HIVEP1: variants seen among roughly 807,000 people sequenced by gnomAD.
The protein encoded by HIVEP1 is HIVEP zinc finger 1, also known as zinc finger protein 40.
In HIVEP1, 36 loss-of-function variants were observed where a neutral mutation model predicts 180.0. The observed-to-expected ratio is 0.20, with a 90% CI of 0.15 to 0.26. HIVEP1 has a LOEUF of 0.26. Ranked by LOEUF, HIVEP1 falls within the 10% of genes least tolerant of loss-of-function variation. The pLI is 1.00. For missense variants in HIVEP1, 3,143 were observed against 3,268.7 expected, an observed-to-expected ratio of 0.96 and a Z score of 0.94; for synonymous variants, 1,239 against 1,239.0, an observed-to-expected ratio of 1.00 and a Z score of 0.00.
At chr6:12,079,811 C>A (rs572826564) in intron 2 of HIVEP1, among the ~76,000 whole-genome samples, 3 of 152,230 alleles carry the variant, frequency 2.0e-5, no homozygotes, top group South Asian at 2.1e-4. Context: ...ATTAATACAA[C>A]AAATTTGATT....
rs772811408 is a variant in HIVEP1, at chr6:12,125,792, A to G, written c.5997A>G (p.Leu1999=). 4 of 1,613,938 alleles carry G rather than the reference A, an allele frequency of 2.5e-6. No homozygotes were observed. Among genetic ancestry groups the G allele is most frequent in the East Asian group, 4.5e-5 (2 of 44,884 alleles). ...LNSKQNTGKS[L]YCQAITTHSK... ...CAAAACAGAACACTGGAAAATCACT[A>G]TACTGTCAAGCAATAACTACCCATT... The change falls in exon 4 of 9, where the codon CTA becomes CTG. Residue 1999 remains leucine (L), a synonymous_variant. Coordinates refer to ENST00000379388, the MANE Select transcript of HIVEP1 (RefSeq NM_002114.4).
chr6:12,033,404 C>A (rs553284589), intron 2 of HIVEP1, among the ~76,000 whole-genome samples: 1 of 151,676 alleles, frequency 6.6e-6, no homozygotes, highest in African/African-American at 2.4e-5. Context: ...ATTGTTATGT[C>A]GACATTCTCA....
At chr6:12,133,906 A>G (rs1423229062) in intron 6 of HIVEP1, among the ~76,000 whole-genome samples, 1 of 151,620 alleles carries the variant, frequency 6.6e-6, no homozygotes, top group Non-Finnish European at 1.5e-5. Context: ...TGAACCCGGG[A>G]GATGGAGGTT....
At chr6:12,008,878 A>G (rs1245997154), upstream of HIVEP1, 1 of 152,252 alleles carries the variant, frequency 6.6e-6, no homozygotes, top group Non-Finnish European at 1.5e-5. Flanking sequence ...CAGTTCGGGT[A>G]AGTTTTTCTC....
rs147927050 is a variant in HIVEP1 at position 12,121,322 on chromosome 6, C to A, written c.1527C>A (p.Gly509=). 1 of 1,614,064 alleles carries A rather than the reference C, an allele frequency of 6.2e-7. No homozygotes were observed. Among genetic ancestry groups the A allele is most frequent in the Non-Finnish European group, 8.5e-7 (1 of 1,180,020 alleles). ...GATDERQHDL[G]AMELQPVHII... is the part of the protein sequence containing the mutation. Reference sequence around the variant, plus strand: ...CTGATGAGAGACAGCATGACCTGGGCGCCATGGAGCTGCAGCCTGTGCACA... The same window carrying A: ...CTGATGAGAGACAGCATGACCTGGGAGCCATGGAGCTGCAGCCTGTGCACA... Residue 509 remains glycine, a synonymous_variant, in exon 4 of 9, where the codon GGC becomes GGA. Coordinates refer to ENST00000379388, the MANE Select transcript of HIVEP1 (RefSeq NM_002114.4). This position sits in a 1 kb window ranked among gnomAD's most constrained non-coding sequence, Gnocchi z 5.3.
At position 12,120,578 on chromosome 6, in the gene HIVEP1, A is replaced by G. The variant is rs559343048; in HGVS notation, c.783A>G (p.Ser261=). 4.3e-6 allele frequency: 7 copies of G among 1,613,978 alleles called. No homozygotes were observed. The highest frequency in any genetic ancestry group is 2.2e-5 in the East Asian group (1 of 44,894). ...LVAESQSSCT[S]YTVHMSAAQK... is the part of the protein sequence containing the mutation. ...CTGAATCACAGTCTTCTTGTACCTC[A>G]TACACAGTCCATATGTCTGCTGCTC... Residue 261 remains serine (S), a synonymous_variant, in exon 4 of 9, where the codon TCA becomes TCG. Transcript: ENST00000379388.
chr6:12,114,401 A>G (rs923068591), intron 3 of HIVEP1, among the ~76,000 whole-genome samples: 1 of 152,172 alleles, frequency 6.6e-6, no homozygotes, highest in Non-Finnish European at 1.5e-5. Flanking sequence ...CTGTTCCACT[A>G]TCACATGTTT....
chr6:12,015,796 C>A, intron 2 of HIVEP1, 128 bp downstream of exon 2: 3 of 740,350 alleles, frequency 4.1e-6, no homozygotes, highest in Non-Finnish European at 6.9e-6. Flanking sequence ...TTCTCTTGCT[C>A]ATTTCCAGCA....
At chr6:12,031,364 A>G (rs1768928090) in intron 2 of HIVEP1, among the ~76,000 whole-genome samples, 1 of 152,206 alleles carries the variant, frequency 6.6e-6, no homozygotes, top group Admixed American at 6.5e-5. Context: ...CCTGGGATAC[A>G]TGTGGAGAGT....
intron 4 of HIVEP1, among the ~76,000 whole-genome samples, chr6:12,128,674 C>T (rs1332846355): frequency 6.6e-6 from 1 of 152,010 alleles, no homozygotes; most frequent in African/African-American, 2.4e-5. Context: ...TGGAATGGCA[C>T]TATAAGTGAG....
rs561045014 is a variant in HIVEP1, at chr6:12,050,659, A to G, written c.40+34991A>G. 9.2e-5 allele frequency among the ~76,000 whole-genome samples: 14 copies of G among 152,026 alleles called. No individual in the cohort carries two copies. The South Asian group carries it at 2.5e-3, about 27-fold the overall frequency. ...CTCCCATCCTCTCCTCAAGAATCATAAACATCTTTCTTTGCTTTCAAGATT... is the reference window on the plus strand; with the variant it reads ...CTCCCATCCTCTCCTCAAGAATCATGAACATCTTTCTTTGCTTTCAAGATT... On this transcript the variant is annotated intron_variant, in intron 2 of 8. Coordinates refer to ENST00000379388, the MANE Select transcript of HIVEP1 (RefSeq NM_002114.4).
At chr6:12,144,177 C>T (rs1759224463) in intron 7 of HIVEP1, among the ~76,000 whole-genome samples, 1 of 152,158 alleles carries the variant, frequency 6.6e-6, no homozygotes, top group Non-Finnish European at 1.5e-5. Context: ...GGTACCAAAA[C>T]AGATATATAG....
chr6:12,073,179 G>A (rs1048595564), intron 2 of HIVEP1, among the ~76,000 whole-genome samples: 13 of 152,268 alleles, frequency 8.5e-5, no homozygotes, highest in South Asian at 4.1e-4. Flanking sequence ...TGAGTTGCCC[G>A]TAGTCTGAAG....
At chr6:12,127,523 G>T (rs1031577841) in intron 4 of HIVEP1, among the ~76,000 whole-genome samples, 1 of 152,246 alleles carries the variant, frequency 6.6e-6, no homozygotes, top group Non-Finnish European at 1.5e-5. Flanking sequence ...GTCTGGAAAT[G>T]CATATCTAGA....
Position 12,122,616 on chromosome 6 carries a change from G to A in HIVEP1, c.2821G>A (p.Ala941Thr). Residue 941 changes from alanine to threonine, a missense_variant, in exon 4 of 9, where the codon GCA becomes ACA. Around this residue, in one of 12 missense-constraint regions of HIVEP1, gnomAD observed 204 missense variants for 243.7 expected, o/e 0.84. Transcript: ENST00000379388. ...EAMSVRSKAL[A>T]QGPHIEKKKS... ...CATGTCAGTGAGGAGCAAGGCACTGGCACAAGGCCCACATATAGAAAAAAA... is the reference window on the plus strand; with the variant it reads ...CATGTCAGTGAGGAGCAAGGCACTGACACAAGGCCCACATATAGAAAAAAA... 1 of 1,614,090 alleles carries A rather than the reference G, an allele frequency of 6.2e-7. No individual in the cohort carries two copies. The highest frequency in any genetic ancestry group is 8.5e-7 in the Non-Finnish European group (1 of 1,180,012).
intron 2 of HIVEP1, among the ~76,000 whole-genome samples, chr6:12,048,428 A>C (rs1444495951): frequency 6.6e-6 from 1 of 152,176 alleles, no homozygotes; most frequent in Admixed American, 6.5e-5. Flanking sequence ...CATTTCCAAT[A>C]CTCTACCTCT....
intron 2 of HIVEP1, among the ~76,000 whole-genome samples, chr6:12,053,225 ATGTGTGTG>A (rs767873433): frequency 1.3e-5 from 2 of 151,478 alleles, no homozygotes; most frequent in Non-Finnish European, 1.5e-5. Flanking sequence ...TATGCTGTTC[ATGTGTGTG>A]TGTGTGTCTG....
At chr6:12,151,262 A>G (rs1334079047) in intron 7 of HIVEP1, among the ~76,000 whole-genome samples, 3 of 152,168 alleles carry the variant, frequency 2.0e-5, no homozygotes, top group African/African-American at 7.2e-5. Context: ...ATTTGTTTAT[A>G]ATGAGAGGGG....
intron 7 of HIVEP1, among the ~76,000 whole-genome samples, chr6:12,150,844 TTG>T (rs1432363692): frequency 1.3e-5 from 2 of 152,168 alleles, no homozygotes; most frequent in African/African-American, 2.4e-5. Context: ...TAGGTTGCCA[TTG>T]TTTATCTGGC....
Sources: allele counts gnomAD v4.1 joint callset (sites outside exome capture counted in the v4.1 genomes callset), GRCh38; gene constraint gnomAD v4.1.1; regional missense constraint gnomAD v4.1.1; non-coding constraint Gnocchi (gnomAD v3.1); transcripts MANE v1.5; gene names NCBI Gene and HGNC (gene_info 2026-07-23, HGNC 2026-07-21).